MCTP2: variants seen among roughly 807,000 people sequenced by gnomAD.
MCTP2 encodes multiple C2 and transmembrane domain-containing protein 2.
Under a neutral mutation model 111.6 loss-of-function variants are expected in MCTP2, and 132 were observed. The ratio of observed to expected loss-of-function variants is 1.18; its 90% CI spans 1.03 to 1.37. The LOEUF (loss-of-function observed/expected upper bound fraction) is 1.37. Among genes scored for constraint, MCTP2 ranks in the 40% most tolerant of loss-of-function variants. The probability of loss-of-function intolerance (pLI) is 0.00; values close to 1 mark genes in which losing one functional copy is unlikely to be tolerated. For synonymous variants in MCTP2, 395 were observed against 387.7 expected (o/e 1.02, Z -0.22); for missense variants, 1,183 against 1,067.9 (o/e 1.11, Z -1.50).
At chr15:94,414,820 T>C (rs1235543761) in intron 17 of MCTP2, among the ~76,000 whole-genome samples, 2 of 152,206 alleles carry the variant, frequency 1.3e-5, no homozygotes, top group Non-Finnish European at 2.9e-5. Context: ...TAATGACCTA[T>C]GGGTATTAAT....
chr15:94,455,520 C>T lies in MCTP2; in HGVS notation c.2251-2617C>T, dbSNP rs990122761. 8.5e-5 allele frequency among the ~76,000 whole-genome samples: 13 copies of T among 152,104 alleles called. 1 individual carries two copies. The highest frequency in any genetic ancestry group is 3.1e-4 in the African/African-American group (13 of 41,430). ...TGGCGCCATCTGGGCTCACTGCAAC[C>T]TCTGACTCCCTGGTTCAAGTGATTA... On this transcript the variant is annotated intron_variant, in intron 19 of 22. Transcript: ENST00000357742.
At position 94,451,254 on chromosome 15, in the gene MCTP2, C is replaced by T. The variant is rs567883927; in HGVS notation, c.2251-6883C>T. On this transcript the variant is annotated intron_variant, in intron 19 of 22. Coordinates refer to ENST00000357742, the MANE Select transcript of MCTP2 (RefSeq NM_001385001.1). Reference sequence around the variant, plus strand: ...TAGGTTACCAAGTTAGTTTACTTTTCTCACAGTGAATGCTCTTCTTTTTTA... The same window carrying T: ...TAGGTTACCAAGTTAGTTTACTTTTTTCACAGTGAATGCTCTTCTTTTTTA... Among the ~76,000 whole-genome samples, 7 of 152,222 alleles carry T rather than the reference C, an allele frequency of 4.6e-5. No homozygotes were observed. The South Asian group carries it at 6.2e-4, about 14-fold the overall frequency.
intron 4 of MCTP2, among the ~76,000 whole-genome samples, chr15:94,319,213 C>A (rs2076517940): frequency 6.6e-6 from 1 of 152,124 alleles, no homozygotes; most frequent in Non-Finnish European, 1.5e-5. Context: ...TGATCTTGAG[C>A]CTGCTCAGGG....
intron 1 of MCTP2, chr15:94,292,718 A>T (rs983121230): frequency 1.1e-4 from 17 of 152,228 alleles, no homozygotes; most frequent in Admixed American, 1.0e-3. Flanking sequence ...AAACAATACC[A>T]ATCAAAATGT....
In MCTP2 at chr15:94,448,308, A is replaced by G. The variant is rs1237723681; in HGVS notation, c.2250+5348A>G. Among the ~76,000 whole-genome samples the G allele has an allele frequency of 2.0e-5, 3 of 152,122 alleles. No individual in the cohort carries two copies. In the East Asian group the frequency reaches 5.8e-4, roughly 29 times the overall value. On this transcript the variant is annotated intron_variant, in intron 19 of 22. Coordinates refer to ENST00000357742, the MANE Select transcript of MCTP2 (RefSeq NM_001385001.1). ...TTCCTAGTACAAGTAGATCTTTCTGATTTCTATTCTAAGGATTGTAGTATA... is the reference window on the plus strand; with the variant it reads ...TTCCTAGTACAAGTAGATCTTTCTGGTTTCTATTCTAAGGATTGTAGTATA...
chr15:94,415,488 A>G (rs1313154264), intron 17 of MCTP2, among the ~76,000 whole-genome samples: 2 of 152,158 alleles, frequency 1.3e-5, no homozygotes, highest in African/African-American at 4.8e-5. Context: ...AAAAGGGTCC[A>G]AGGCTTCACT....
chr15:94,325,202 T>C (rs2076805060), intron 4 of MCTP2, among the ~76,000 whole-genome samples: 1 of 152,152 alleles, frequency 6.6e-6, no homozygotes, highest in African/African-American at 2.4e-5. Flanking sequence ...GGTCTAGCCA[T>C]GAGCCTGCTA....
At chr15:94,446,300 G>A (rs1388659399) in intron 19 of MCTP2, among the ~76,000 whole-genome samples, 3 of 152,164 alleles carry the variant, frequency 2.0e-5, no homozygotes, top group African/African-American at 7.2e-5. Context: ...GTAAGAAATT[G>A]CTTGTTACAA....
intron 16 of MCTP2, among the ~76,000 whole-genome samples, chr15:94,400,854 A>G (rs560374981): frequency 5.8e-4 from 89 of 152,306 alleles, no homozygotes; most frequent in African/African-American, 1.9e-3. Context: ...ACTTCTGGGC[A>G]TACTTGGGAA....
intron 4 of MCTP2, among the ~76,000 whole-genome samples, chr15:94,337,467 G>A (rs2077416460): frequency 6.6e-6 from 1 of 151,462 alleles, no homozygotes; most frequent in Non-Finnish European, 1.5e-5. Context: ...TTTAATTAAA[G>A]GCCTCTTTTT....
At chr15:94,320,291 C>T (rs141496109) in intron 4 of MCTP2, among the ~76,000 whole-genome samples, 1,989 of 151,974 alleles carry the variant, frequency 0.013, 42 homozygotes, top group African/African-American at 0.042. Context: ...TACAGGCACC[C>T]GCCACCACGC....
At chr15:94,262,352 T>A (rs568481771) in intron 1 of MCTP2, among the ~76,000 whole-genome samples, 13 of 152,330 alleles carry the variant, frequency 8.5e-5, no homozygotes, top group African/African-American at 3.1e-4. Flanking sequence ...TTTTAGCAAT[T>A]TATAAAGTGA....
chr15:94,253,489 T>C (rs1484074358), intron 1 of MCTP2, among the ~76,000 whole-genome samples: 1 of 152,214 alleles, frequency 6.6e-6, no homozygotes, highest in Non-Finnish European at 1.5e-5. Flanking sequence ...ATTGTCATTC[T>C]AGTTACATTT....
At chr15:94,433,580 AT>A (rs887113915) in intron 17 of MCTP2, among the ~76,000 whole-genome samples, 17 of 152,200 alleles carry the variant, frequency 1.1e-4, no homozygotes, top group African/African-American at 4.1e-4. Flanking sequence ...TGCTATGAAC[AT>A]TTGTGGACAA....
At chr15:94,457,578 A>G (rs1011082833) in intron 19 of MCTP2, among the ~76,000 whole-genome samples, 5 of 152,176 alleles carry the variant, frequency 3.3e-5, no homozygotes, top group Admixed American at 2.6e-4. Flanking sequence ...TAGCATGTCC[A>G]CAGCTGCTTG....
At chr15:94,284,553 T>C (rs919307090) in intron 1 of MCTP2, among the ~76,000 whole-genome samples, 5 of 152,220 alleles carry the variant, frequency 3.3e-5, no homozygotes, top group African/African-American at 1.2e-4. Flanking sequence ...GTAATGCTGA[T>C]TGAAAAGCAT....
chr15:94,435,666 C>G (rs1339369728), intron 17 of MCTP2, among the ~76,000 whole-genome samples: 1 of 111,208 alleles, frequency 9.0e-6, no homozygotes, highest in Non-Finnish European at 1.9e-5. Flanking sequence ...GAGTCTCGCT[C>G]TGTCGCCCAG....
chr15:94,355,132 A>G (rs1381617128), intron 8 of MCTP2, among the ~76,000 whole-genome samples: 1 of 152,242 alleles, frequency 6.6e-6, no homozygotes, highest in Non-Finnish European at 1.5e-5. Context: ...GGTTGAGACC[A>G]TCAGGGAAAT....
chr15:94,347,901 T>TACACACACACAC (rs57419585), intron 8 of MCTP2, among the ~76,000 whole-genome samples: 14 of 149,574 alleles, frequency 9.4e-5, no homozygotes, highest in African/African-American at 2.7e-4. Flanking sequence ...CACACAGACA[T>TACACACACACAC]ACACACACAC....
Sources: allele counts gnomAD v4.1 joint callset (sites outside exome capture counted in the v4.1 genomes callset), GRCh38; gene constraint gnomAD v4.1.1; transcripts MANE v1.5; gene names NCBI Gene and HGNC (gene_info 2026-07-23, HGNC 2026-07-21).